Variants in LMO3 observed in about 807,000 individuals in gnomAD.
LMO3 encodes the protein LIM domain only protein 3.
Under a neutral mutation model 15.8 loss-of-function variants are expected in LMO3, and 2 were observed. That is an observed-to-expected ratio of 0.13 (90% confidence interval 0.05 to 0.40). The LOEUF is 0.40. LMO3 is among the 10% of genes least tolerant of loss of function. The pLI, the probability that LMO3 is intolerant of heterozygous loss-of-function variation, is 0.99. For missense variants in LMO3, 86 were observed against 182.2 expected (o/e 0.47, Z 3.04); for synonymous variants, 62 against 63.8 (o/e 0.97, Z 0.13).
In LMO3 at chr12:16,555,393, G is replaced by T. The variant is rs1942156823; in HGVS notation, c.333-4066C>A. On this transcript the variant is annotated intron_variant, in intron 3 of 3. Coordinates refer to ENST00000537304, the MANE Select transcript of LMO3 (RefSeq NM_018640.5). The surrounding 1 kb of genome is among the most constrained non-coding windows in gnomAD (Gnocchi z 5.5). ...GTGTTTCAAAATTTCTCATGAATGT[G>T]TAACTGGTTTGCCATTATAGTCAGC... 6.6e-6 allele frequency among the ~76,000 whole-genome samples: 1 copy of T among 152,220 alleles called. No individual in the cohort carries two copies. Among genetic ancestry groups the T allele is most frequent in the South Asian group, 2.1e-4 (1 of 4,828 alleles).
At chr12:16,570,824 G>A (rs1455693504) in intron 2 of LMO3, among the ~76,000 whole-genome samples, 1 of 152,064 alleles carries the variant, frequency 6.6e-6, no homozygotes, top group Middle Eastern at 3.2e-3. Flanking sequence ...GAATAGGTAA[G>A]GTATTATTTA....
At chr12:16,570,736 T>C (rs1168700570) in intron 2 of LMO3, among the ~76,000 whole-genome samples, 1 of 152,184 alleles carries the variant, frequency 6.6e-6, no homozygotes, top group East Asian at 1.9e-4. Context: ...GTAAAGGATA[T>C]CTTTTATATC....
rs936178355 is a variant in LMO3 at position 16,584,555 on chromosome 12, G to A, written c.206+16100C>T. 1.3e-5 allele frequency among the ~76,000 whole-genome samples: 2 copies of A among 151,938 alleles called. No homozygotes were observed. Among genetic ancestry groups the A allele is most frequent in the African/African-American group, 4.8e-5 (2 of 41,276 alleles). On this transcript the variant is annotated intron_variant, in intron 2 of 3. Coordinates refer to ENST00000537304, the MANE Select transcript of LMO3 (RefSeq NM_018640.5). This position sits in a 1 kb window ranked among gnomAD's most constrained non-coding sequence, Gnocchi z 5.2. ...GAGGAAAGGAATGGAAACAAGAGAC[G>A]TTTTAGATTAACATTGGCAAGTGGA...
At chr12:16,573,925 C>T (rs577678788) in intron 2 of LMO3, 2 of 152,340 alleles carry the variant, frequency 1.3e-5, no homozygotes, top group South Asian at 4.1e-4. Flanking sequence ...TAGGCCCTCA[C>T]TCTATCTACA....
At chr12:16,577,150 T>C (rs959701731) in intron 2 of LMO3, among the ~76,000 whole-genome samples, 3 of 152,186 alleles carry the variant, frequency 2.0e-5, no homozygotes, top group African/African-American at 7.2e-5. Context: ...TCTAGTGATA[T>C]TTCTTTACCA....
At position 16,576,813 on chromosome 12, in the gene LMO3, T is replaced by G. The variant is rs991217739; in HGVS notation, c.207-16275A>C. Reference sequence around the variant, plus strand: ...GTACCATCTATTTTTAAATACCATTTTAAATTCAGTGTACAATGGACATAA... The same window carrying G: ...GTACCATCTATTTTTAAATACCATTGTAAATTCAGTGTACAATGGACATAA... On this transcript the variant is annotated intron_variant, in intron 2 of 3. Coordinates refer to ENST00000537304, the MANE Select transcript of LMO3 (RefSeq NM_018640.5). This position sits in a 1 kb window ranked among gnomAD's most constrained non-coding sequence, Gnocchi z 4.1. 1.3e-5 allele frequency among the ~76,000 whole-genome samples: 2 copies of G among 152,224 alleles called. No individual in the cohort carries two copies. Among genetic ancestry groups the G allele is most frequent in the African/African-American group, 4.8e-5 (2 of 41,458 alleles).
At chr12:16,600,624 G>A in intron 2 of LMO3, 31 bp downstream of exon 2, 1 of 1,574,074 alleles carries the variant, frequency 6.4e-7, no homozygotes, top group South Asian at 1.1e-5. Context: ...AAGGCATCCA[G>A]TCATCACTGG....
At chr12:16,569,611 T>G (rs1942739173) in intron 2 of LMO3, among the ~76,000 whole-genome samples, 2 of 152,208 alleles carry the variant, frequency 1.3e-5, no homozygotes, top group African/African-American at 4.8e-5. Flanking sequence ...TAACATTTGA[T>G]GAGAAAAATA....
In LMO3 at chr12:16,555,020, C is replaced by G. The variant is rs148889208; in HGVS notation, c.333-3693G>C. Among the ~76,000 whole-genome samples the G allele has an allele frequency of 1.8e-3, 279 of 152,288 alleles. No individual in the cohort carries two copies. The highest frequency in any genetic ancestry group is 6.6e-3 in the African/African-American group (275 of 41,566). On this transcript the variant is annotated intron_variant, in intron 3 of 3. Coordinates refer to ENST00000537304, the MANE Select transcript of LMO3 (RefSeq NM_018640.5). The surrounding 1 kb of genome is among the most constrained non-coding windows in gnomAD (Gnocchi z 5.5). ...ACTGTAATCTTGGGCAAGTTACTTA[C>G]ATTTCCTATACTTTACTTTCCTCAT...
At chr12:16,570,753 T>C (rs1942787334) in intron 2 of LMO3, among the ~76,000 whole-genome samples, 1 of 152,160 alleles carries the variant, frequency 6.6e-6, no homozygotes, top group African/African-American at 2.4e-5. Context: ...TATCCAGAGA[T>C]TGTGATTTAG....
upstream of LMO3, chr12:16,608,827 C>T (rs554202929): frequency 1.2e-4 from 18 of 152,094 alleles, no homozygotes; most frequent in Non-Finnish European, 2.2e-4. This position sits in a 1 kb window ranked among gnomAD's most constrained non-coding sequence, Gnocchi z 4.1. Context: ...ACATTCAGCT[C>T]CATGCCATTC....
At chr12:16,607,996 T>C (rs1469190900), upstream of LMO3, 1 of 152,238 alleles carries the variant, frequency 6.6e-6, no homozygotes, top group Non-Finnish European at 1.5e-5. Flanking sequence ...TGACTTGTTC[T>C]GTACATAGGC....
rs941963029 is a variant in LMO3, at chr12:16,596,132, C to G, written c.206+4523G>C. Among the ~76,000 whole-genome samples the G allele has an allele frequency of 6.6e-6, 1 of 151,378 alleles. No homozygotes were observed. Reference sequence around the variant, plus strand: ...TGATCAGCGTGAGATAAAGTTACAGCTAGATTTATGCCCTATGTGGCAATT... The same window carrying G: ...TGATCAGCGTGAGATAAAGTTACAGGTAGATTTATGCCCTATGTGGCAATT... On this transcript the variant is annotated intron_variant, in intron 2 of 3. Coordinates refer to ENST00000537304, the MANE Select transcript of LMO3 (RefSeq NM_018640.5). This position sits in a 1 kb window ranked among gnomAD's most constrained non-coding sequence, Gnocchi z 4.3.
intron 3 of LMO3, among the ~76,000 whole-genome samples, chr12:16,557,367 ATTTTTTT>A (rs68115649): frequency 7.0e-6 from 1 of 142,724 alleles, no homozygotes; most frequent in South Asian, 2.2e-4. Flanking sequence ...GGTGGCAAGG[ATTTTTTT>A]TTTTTTTTTT....
chr12:16,550,996 C>G lies in LMO3; in HGVS notation c.*226G>C, dbSNP rs140991956. ...AAAAACGAATAGCAAGCAAAAAAAT[C>G]CAGCCATATGTACATTACTTTTTTC... On this transcript the variant is annotated 3_prime_UTR_variant, in exon 4 of 4. Coordinates refer to ENST00000537304, the MANE Select transcript of LMO3 (RefSeq NM_018640.5). 1 of 423,698 alleles carries G rather than the reference C, an allele frequency of 2.4e-6. No individual in the cohort carries two copies. Among genetic ancestry groups the G allele is most frequent in the African/African-American group, 2.0e-5 (1 of 50,968 alleles). 26.2% of individuals were successfully genotyped at this position (423,698 alleles called of 1,614,324 possible). A position where few individuals can be genotyped will look rare whatever the true frequency, so the allele number is the denominator to read the frequency against.
rs1426079393 is a variant in LMO3 at position 16,584,485 on chromosome 12, T to G, written c.206+16170A>C. Among the ~76,000 whole-genome samples, 1 of 151,906 alleles carries G rather than the reference T, an allele frequency of 6.6e-6. No homozygotes were observed. Among genetic ancestry groups the G allele is most frequent in the Non-Finnish European group, 1.5e-5 (1 of 67,996 alleles). On this transcript the variant is annotated intron_variant, in intron 2 of 3. Coordinates refer to ENST00000537304, the MANE Select transcript of LMO3 (RefSeq NM_018640.5). This position sits in a 1 kb window ranked among gnomAD's most constrained non-coding sequence, Gnocchi z 5.2. ...GACATGAGGTTTCTGGAGGACCCAGTGGAAAAGTGTTGAGTGAACGTAACA... is the reference window on the plus strand; with the variant it reads ...GACATGAGGTTTCTGGAGGACCCAGGGGAAAAGTGTTGAGTGAACGTAACA...
Position 16,600,500 on chromosome 12 carries a change from AACAC to A in LMO3, c.206+151_206+154del, listed in dbSNP as rs1311941923. ...CTATTCCTTAAGCATTAATTTGAGT[AACAC>A]ACACAGGGCAACGCTTTGAAGGCTG... On this transcript the variant is annotated intron_variant, in intron 2 of 3. Coordinates refer to ENST00000537304, the MANE Select transcript of LMO3 (RefSeq NM_018640.5). The A allele has an allele frequency of 4.2e-4, 265 of 633,602 alleles. 1 individual carries two copies. Among genetic ancestry groups the A allele is most frequent in the Non-Finnish European group, 2.7e-5 (10 of 364,044 alleles). The allele number at this position is 633,602 out of a possible 1,614,324, so 39.2% of individuals were successfully genotyped here.
At position 16,596,647 on chromosome 12, in the gene LMO3, T is replaced by C. The variant is rs889259236; in HGVS notation, c.206+4008A>G. 5.9e-5 allele frequency among the ~76,000 whole-genome samples: 9 copies of C among 151,674 alleles called. No individual in the cohort carries two copies. The highest frequency in any genetic ancestry group is 2.2e-4 in the African/African-American group (9 of 41,392). On this transcript the variant is annotated intron_variant, in intron 2 of 3. Coordinates refer to ENST00000537304, the MANE Select transcript of LMO3 (RefSeq NM_018640.5). This position sits in a 1 kb window ranked among gnomAD's most constrained non-coding sequence, Gnocchi z 4.3. ...TATTTCTCCTAGTTCTATTTAATGC[T>C]TGCTGCAAAACATTAAATAAAAGCA...
chr12:16,582,128 AGTAAATTTTCTTAATCATATTTAACTG>A lies in LMO3; in HGVS notation c.206+18500_206+18526del, dbSNP rs540684906. On this transcript the variant is annotated intron_variant, in intron 2 of 3. Transcript: ENST00000537304. The surrounding 1 kb of genome is among the most constrained non-coding windows in gnomAD (Gnocchi z 4.1). ...TTTTATAAATTTGCAGTTAGGTTTC[AGTAAATTTTCTTAATCATATTTAACTG>A]GTTTCTTCCTGTTTCTCTTTATTTG... Among the ~76,000 whole-genome samples the A allele has an allele frequency of 8.9e-4, 135 of 152,288 alleles. No individual in the cohort carries two copies. Among genetic ancestry groups the A allele is most frequent in the African/African-American group, 3.1e-3 (129 of 41,590 alleles).
Sources: allele counts gnomAD v4.1 joint callset (sites outside exome capture counted in the v4.1 genomes callset), GRCh38; gene constraint gnomAD v4.1.1; non-coding constraint Gnocchi (gnomAD v3.1); transcripts MANE v1.5; gene names NCBI Gene and HGNC (gene_info 2026-07-23, HGNC 2026-07-21).